CRADD: variants seen among roughly 807,000 people sequenced by gnomAD.
The protein encoded by CRADD is death domain-containing protein CRADD.
CRADD carries 9 observed loss-of-function variants against 15.5 expected under a neutral mutation model. That is an observed-to-expected ratio of 0.58 (90% CI 0.35 to 1.01). The LOEUF is 1.01. Ranked by LOEUF, CRADD falls within the 50% of genes least tolerant of loss-of-function variation. The pLI, the probability that CRADD is intolerant of heterozygous loss-of-function variation, is 0.02. For missense variants in CRADD, 227 were observed against 250.3 expected, an observed-to-expected ratio of 0.91 and a Z score of 0.63; for synonymous variants, 118 against 107.6, an observed-to-expected ratio of 1.10 and a Z score of -0.60.
intron 2 of CRADD, among the ~76,000 whole-genome samples, chr12:93,718,248 G>A (rs12320489): frequency 0.017 from 2,516 of 152,292 alleles, 80 homozygotes; most frequent in African/African-American, 0.058. Flanking sequence ...TTGAATCTAT[G>A]AAGTTGAGAA....
intron 2 of CRADD, among the ~76,000 whole-genome samples, chr12:93,684,204 A>G (rs1472994111): frequency 6.6e-6 from 1 of 152,194 alleles, no homozygotes; most frequent in African/African-American, 2.4e-5. Flanking sequence ...CATGTGCTAA[A>G]CCAGAGGTCC....
chr12:93,815,429 C>T (rs1957685443), intron 2 of CRADD: 1 of 152,142 alleles, frequency 6.6e-6, no homozygotes, highest in Non-Finnish European at 1.5e-5. Flanking sequence ...CCTCCCTTGT[C>T]CTTTAGTGCA....
At chr12:93,690,891 C>A (rs12422532) in intron 2 of CRADD, among the ~76,000 whole-genome samples, 38,598 of 152,080 alleles carry the variant, frequency 0.25, 5,306 homozygotes, top group East Asian at 0.4. Context: ...TGCCTCAGGT[C>A]TCACACATAG....
intron 2 of CRADD, among the ~76,000 whole-genome samples, chr12:93,773,486 G>A (rs1441855612): frequency 6.6e-6 from 1 of 152,152 alleles, no homozygotes; most frequent in Non-Finnish European, 1.5e-5. Context: ...CACATGGAAC[G>A]GTAAGTCCAT....
chr12:93,745,670 A>G (rs975412190), intron 2 of CRADD, among the ~76,000 whole-genome samples: 1 of 152,214 alleles, frequency 6.6e-6, no homozygotes, highest in Admixed American at 6.5e-5. Context: ...GAAACGTGCA[A>G]TGTAGGTAAG....
chr12:93,806,146 G>A (rs1957534842), intron 2 of CRADD, among the ~76,000 whole-genome samples: 1 of 151,964 alleles, frequency 6.6e-6, no homozygotes, highest in African/African-American at 2.4e-5. Flanking sequence ...TGGTGTAGTT[G>A]GCCTTTTTGA....
chr12:93,884,816 C>A (rs1399009825), intron 2 of CRADD, among the ~76,000 whole-genome samples: 1 of 152,130 alleles, frequency 6.6e-6, no homozygotes, highest in African/African-American at 2.4e-5. Flanking sequence ...AATAAAATGA[C>A]TTATCTCCTT....
chr12:93,857,720 A>T, intron 2 of CRADD, among the ~76,000 whole-genome samples: 1 of 152,078 alleles, frequency 6.6e-6, no homozygotes, highest in Admixed American at 6.6e-5. Context: ...GGCAAAGGGG[A>T]GCTCCCTGTT....
chr12:93,876,977 A>G (rs765787717), intron 2 of CRADD, among the ~76,000 whole-genome samples: 11 of 152,076 alleles, frequency 7.2e-5, no homozygotes, highest in Non-Finnish European at 1.5e-4. Flanking sequence ...GGCTTTTCAG[A>G]TATTTGAAAG....
At chr12:93,883,722 A>G (rs865778480) in intron 2 of CRADD, among the ~76,000 whole-genome samples, 4 of 152,138 alleles carry the variant, frequency 2.6e-5, no homozygotes, top group African/African-American at 9.7e-5. Flanking sequence ...AGTCCTAGCT[A>G]CTTGGAAGGC....
At chr12:93,780,763 A>G (rs1417526720) in intron 2 of CRADD, among the ~76,000 whole-genome samples, 2 of 150,892 alleles carry the variant, frequency 1.3e-5, no homozygotes, top group African/African-American at 4.9e-5. Context: ...TTTGAGACAG[A>G]GTCTCTTCCT....
intron 2 of CRADD, among the ~76,000 whole-genome samples, chr12:93,703,322 C>T (rs1395508971): frequency 6.7e-6 from 1 of 150,276 alleles, no homozygotes; most frequent in Non-Finnish European, 1.5e-5. Context: ...TCCCTTGGTT[C>T]TGTGTTCTTG....
intron 2 of CRADD, among the ~76,000 whole-genome samples, chr12:93,761,138 A>G (rs923202664): frequency 2.0e-5 from 3 of 152,152 alleles, no homozygotes; most frequent in African/African-American, 4.8e-5. Context: ...GACCAATTCA[A>G]TCAGAATCTC....
At position 93,688,954 on chromosome 12, in the gene CRADD, G is replaced by T. The variant is rs1338177599; in HGVS notation, c.298+9882G>T. Among the ~76,000 whole-genome samples, 3 of 152,062 alleles carry T rather than the reference G, an allele frequency of 2.0e-5. No individual in the cohort carries two copies. The East Asian group carries it at 5.8e-4, about 29-fold the overall frequency. ...TCTCTTTCTTGCCTCTTGTCCTAAG[G>T]CTGATTCCTGGTTGGTATCTCTCTC... is the stretch of plus-strand genomic sequence containing the variant. On this transcript the variant is annotated intron_variant, in intron 2 of 2. Coordinates refer to ENST00000332896, the MANE Select transcript of CRADD (RefSeq NM_003805.5).
intron 2 of CRADD, among the ~76,000 whole-genome samples, chr12:93,791,895 ATT>A (rs34088777): frequency 0.25 from 33,755 of 137,176 alleles, 4,391 homozygotes; most frequent in East Asian, 0.54. Flanking sequence ...GTCCTAATGG[ATT>A]TTTTTTTTTT....
chr12:93,876,627 T>C (rs903175545), intron 2 of CRADD, among the ~76,000 whole-genome samples: 3 of 152,138 alleles, frequency 2.0e-5, no homozygotes, highest in Non-Finnish European at 4.4e-5. Flanking sequence ...TTCTTTAGTA[T>C]ACCAATTGCA....
At chr12:93,820,017 C>G (rs1014760643) in intron 2 of CRADD, among the ~76,000 whole-genome samples, 1 of 152,196 alleles carries the variant, frequency 6.6e-6, no homozygotes, top group African/African-American at 2.4e-5. Flanking sequence ...TCTACCTGCT[C>G]CTCCTTCAGT....
chr12:93,801,923 C>G (rs866232118), intron 2 of CRADD, among the ~76,000 whole-genome samples: 1 of 152,314 alleles, frequency 6.6e-6, no homozygotes. Flanking sequence ...TTAGCTCCCA[C>G]TTATAAGTGA....
chr12:93,738,742 A>G (rs1956623502), intron 2 of CRADD: 1 of 335,698 alleles, frequency 3.0e-6, no homozygotes, highest in East Asian at 5.2e-5. Context: ...GATAACAGGG[A>G]CCCTATTCAA....
Sources: allele counts gnomAD v4.1 joint callset (sites outside exome capture counted in the v4.1 genomes callset), GRCh38; gene constraint gnomAD v4.1.1; transcripts MANE v1.5; gene names NCBI Gene and HGNC (gene_info 2026-07-23, HGNC 2026-07-21).